Variants in GOLGA4 observed in about 807,000 individuals in gnomAD.
The protein encoded by GOLGA4 is golgin subfamily A member 4.
GOLGA4 carries 169 observed loss-of-function variants against 265.9 expected under a neutral mutation model. The observed-to-expected ratio is 0.64, with a 90% CI of 0.56 to 0.72. GOLGA4 has a LOEUF of 0.72. Ranked by LOEUF, GOLGA4 falls within the 30% of genes least tolerant of loss-of-function variation. The pLI, the probability that GOLGA4 is intolerant of heterozygous loss-of-function variation, is 0.00. For synonymous variants in GOLGA4, 923 were observed against 855.8 expected (o/e 1.08, Z -1.37); for missense variants, 2,482 against 2,483.4 (o/e 1.00, Z 0.01).
rs377320558 is a variant in GOLGA4, at chr3:37,321,781, A to C, written c.1596A>C (p.Gln532His). Residue 532 changes from glutamine to histidine, a missense_variant, in exon 13 of 24, where the codon CAA (glutamine) becomes CAC (histidine). Physicochemically the swap from Gln to His is conservative, Grantham distance 24. Transcript: ENST00000361924. ...YLKISQEKEQ[Q>H]ESLALEELEL... Reference sequence around the variant, plus strand: ...AGATCAGCCAAGAAAAAGAACAGCAAGAATCTTTGGCCCTAGAAGAGTTAG... The same window carrying C: ...AGATCAGCCAAGAAAAAGAACAGCACGAATCTTTGGCCCTAGAAGAGTTAG... 5.9e-5 allele frequency: 95 copies of C among 1,612,634 alleles called. No individual in the cohort carries two copies. Among genetic ancestry groups the C allele is most frequent in the Non-Finnish European group, 7.8e-5 (92 of 1,179,540 alleles).
chr3:37,243,409 C>T lies in GOLGA4; in HGVS notation c.-142C>T, dbSNP rs2096708085. On this transcript the variant is annotated 5_prime_UTR_variant, in exon 1 of 24. Transcript: ENST00000361924. ...CTCAGGACGAGTGTCCGGACTTGCC[C>T]ACAGCCTCAAGGAGGAGACGGCGAG... is the stretch of plus-strand genomic sequence containing the variant. The T allele has an allele frequency of 9.8e-6, 7 of 714,986 alleles. No individual in the cohort carries two copies. Among genetic ancestry groups the T allele is most frequent in the Admixed American group, 5.0e-5 (2 of 39,674 alleles). The allele number at this position is 714,986 out of a possible 1,614,324, so 44.3% of individuals were successfully genotyped here. A position where few individuals can be genotyped will look rare whatever the true frequency, so the allele number is the denominator to read the frequency against.
intron 10 of GOLGA4, among the ~76,000 whole-genome samples, chr3:37,311,928 G>A (rs2096924146): frequency 6.6e-6 from 1 of 152,150 alleles, no homozygotes; most frequent in African/African-American, 2.4e-5. Flanking sequence ...TTGAAAAGGT[G>A]AGAACATTAC....
chr3:37,290,820 A>G (rs2096862638), intron 5 of GOLGA4, among the ~76,000 whole-genome samples: 2 of 152,148 alleles, frequency 1.3e-5, no homozygotes, highest in Admixed American at 1.3e-4. Context: ...AATGATAGCT[A>G]GGGTATCCTC....
intron 1 of GOLGA4, among the ~76,000 whole-genome samples, chr3:37,245,738 C>A (rs1312771381): frequency 6.6e-6 from 1 of 151,930 alleles, no homozygotes; most frequent in East Asian, 1.9e-4. Context: ...TTAAAATAAT[C>A]CTTTTGGATT....
chr3:37,289,552 G>A (rs1429319032), intron 5 of GOLGA4, among the ~76,000 whole-genome samples: 1 of 152,146 alleles, frequency 6.6e-6, no homozygotes, highest in African/African-American at 2.4e-5. Flanking sequence ...ACTTCCAAGG[G>A]TTAACTGGGT....
intron 22 of GOLGA4, among the ~76,000 whole-genome samples, chr3:37,357,099 TA>T (rs200987645): frequency 1.3e-5 from 2 of 151,268 alleles, no homozygotes; most frequent in African/African-American, 2.4e-5. Context: ...AAGTTTAACT[TA>T]AAAAAAAAGA....
intron 10 of GOLGA4, among the ~76,000 whole-genome samples, chr3:37,309,466 A>T (rs923644781): frequency 2.6e-5 from 4 of 151,740 alleles, no homozygotes; most frequent in Non-Finnish European, 4.4e-5. Flanking sequence ...GAGGCAGGAG[A>T]ATTGCTTGAG....
chr3:37,280,741 G>A (rs750680499), intron 2 of GOLGA4, among the ~76,000 whole-genome samples: 1 of 152,068 alleles, frequency 6.6e-6, no homozygotes, highest in East Asian at 1.9e-4. Context: ...GCCTTGGGGA[G>A]TGCTCTCCAT....
chr3:37,361,123 A>T (rs1339898226), intron 22 of GOLGA4, 120 bp from the exon 23 acceptor site: 2 of 766,742 alleles, frequency 2.6e-6, no homozygotes, highest in Admixed American at 3.8e-5. Flanking sequence ...ATTTGGGGAG[A>T]TTTGAGAAAA....
Position 37,302,193 on chromosome 3 carries a change from A to G in GOLGA4, c.1095A>G (p.Val365=). The G allele has an allele frequency of 6.2e-7, 1 of 1,613,144 alleles. No individual in the cohort carries two copies. Among genetic ancestry groups the G allele is most frequent in the Non-Finnish European group, 8.5e-7 (1 of 1,179,152 alleles). The change falls in exon 10 of 24, where the codon GTA becomes GTG. Residue 365 remains valine (V), a synonymous_variant. Transcript: ENST00000361924. ...IEQLEQDKGM[V]IAETKRQMHE... ...TCTTCACTTCTATTCAGGGAATGGT[A>G]ATCGCAGAGACAAAACGTCAGATGC...
chr3:37,243,448 T>G lies in GOLGA4; in HGVS notation c.-103T>G. On this transcript the variant is annotated 5_prime_UTR_variant, in exon 1 of 24. Transcript: ENST00000361924. The stretch of plus-strand genomic sequence containing the variant: ...GGAGACGGCGAGGCCCGGCCCCCGC[T>G]GTCCCTGGTGTAAAGAAGTCGCCGT... The G allele has an allele frequency of 2.1e-6, 2 of 955,606 alleles. No homozygotes were observed. Among genetic ancestry groups the G allele is most frequent in the South Asian group, 1.3e-5 (1 of 76,182 alleles). The allele number at this position is 955,606 out of a possible 1,614,324, so 59.2% of individuals were successfully genotyped here. A position where few individuals can be genotyped will look rare whatever the true frequency, so the allele number is the denominator to read the frequency against.
chr3:37,315,925 A>G (rs982417563), intron 11 of GOLGA4, among the ~76,000 whole-genome samples: 1 of 152,226 alleles, frequency 6.6e-6, no homozygotes, highest in African/African-American at 2.4e-5. Flanking sequence ...AACTTGGCCA[A>G]GAAGGTACTT....
intron 19 of GOLGA4, among the ~76,000 whole-genome samples, chr3:37,339,496 C>CTATTT (rs1413094115): frequency 1.3e-5 from 2 of 152,152 alleles, no homozygotes; most frequent in Non-Finnish European, 2.9e-5. Context: ...AGTGGCTGTA[C>CTATTT]TATTTTACAT....
At chr3:37,363,282 C>G (rs745543263) in intron 23 of GOLGA4, among the ~76,000 whole-genome samples, 1 of 152,240 alleles carries the variant, frequency 6.6e-6, no homozygotes, top group Non-Finnish European at 1.5e-5. Flanking sequence ...ACTGTAAATT[C>G]TATAGCTAAC....
intron 5 of GOLGA4, among the ~76,000 whole-genome samples, chr3:37,290,911 A>G (rs2096862885): frequency 6.6e-6 from 1 of 152,202 alleles, no homozygotes; most frequent in Non-Finnish European, 1.5e-5. Context: ...TAGAGGGGCA[A>G]ATAATACGGC....
At chr3:37,288,944 A>C (rs1340915479) in intron 4 of GOLGA4, among the ~76,000 whole-genome samples, 1 of 152,244 alleles carries the variant, frequency 6.6e-6, no homozygotes, top group Non-Finnish European at 1.5e-5. Context: ...TTGAACAGAC[A>C]GTAAAATTGA....
chr3:37,358,245 T>A (rs1046686872), intron 22 of GOLGA4, among the ~76,000 whole-genome samples: 1 of 152,210 alleles, frequency 6.6e-6, no homozygotes, highest in African/African-American at 2.4e-5. Flanking sequence ...ACATTTACTT[T>A]GTAGCACTAA....
chr3:37,364,555 G>C (rs1475463305), intron 23 of GOLGA4, among the ~76,000 whole-genome samples: 1 of 151,060 alleles, frequency 6.6e-6, no homozygotes, highest in Non-Finnish European at 1.5e-5. Flanking sequence ...ATTTTCATTT[G>C]AGAAACATTA....
chr3:37,264,747 T>C (rs144669160), intron 2 of GOLGA4, among the ~76,000 whole-genome samples: 2 of 152,282 alleles, frequency 1.3e-5, no homozygotes, highest in Non-Finnish European at 2.9e-5. Flanking sequence ...CTCACTCTTT[T>C]GCTCAGGCTG....
Sources: allele counts gnomAD v4.1 joint callset (sites outside exome capture counted in the v4.1 genomes callset), GRCh38; gene constraint gnomAD v4.1.1; transcripts MANE v1.5; gene names NCBI Gene and HGNC (gene_info 2026-07-23, HGNC 2026-07-21).